Variants in ENTREP2 observed in about 807,000 individuals in gnomAD.
ENTREP2 encodes the protein protein ENTREP2.
the ENTREP2 span, among the ~76,000 whole-genome samples, chr15:29,150,032 G>A: frequency 6.6e-6 from 1 of 152,188 alleles, no homozygotes; most frequent in South Asian, 2.1e-4. Flanking sequence ...TCAGCCCACC[G>A]CGTCTGCAGA....
chr15:29,348,474 G>A, the ENTREP2 span, among the ~76,000 whole-genome samples: 64 of 152,302 alleles, frequency 4.2e-4, 1 homozygote, highest in Admixed American at 3.1e-3. Context: ...GGCTGGAGCT[G>A]AGCTGGAGAG....
chr15:29,535,555 T>C, the ENTREP2 span, among the ~76,000 whole-genome samples: 1 of 151,974 alleles, frequency 6.6e-6, no homozygotes. Flanking sequence ...CCAGGTATGG[T>C]GATAAGCACC....
chr15:29,607,800 A>ATAGATAGATAGATAGC, the ENTREP2 span, among the ~76,000 whole-genome samples: 8 of 130,414 alleles, frequency 6.1e-5, no homozygotes, highest in Non-Finnish European at 1.2e-4. Flanking sequence ...GAATAGAGGG[A>ATAGATAGATAGATAGC]TAGATAGATA....
At chr15:29,263,956 C>T in the ENTREP2 span, among the ~76,000 whole-genome samples, 3 of 152,048 alleles carry the variant, frequency 2.0e-5, no homozygotes, top group East Asian at 3.9e-4. Flanking sequence ...AGATTGAGAC[C>T]ATCCTGGCTA....
At chr15:29,640,359 A>G in the ENTREP2 span, among the ~76,000 whole-genome samples, 1 of 152,166 alleles carries the variant, frequency 6.6e-6, no homozygotes, top group Non-Finnish European at 1.5e-5. Flanking sequence ...TGAATTAGTA[A>G]TAAAAGAAAA....
the ENTREP2 span, among the ~76,000 whole-genome samples, chr15:29,410,442 G>A: frequency 6.6e-6 from 1 of 151,950 alleles, no homozygotes; most frequent in Non-Finnish European, 1.5e-5. Context: ...AGCAGCCCTG[G>A]GGCAACAGAG....
At chr15:29,202,620 A>T in the ENTREP2 span, among the ~76,000 whole-genome samples, 1 of 152,186 alleles carries the variant, frequency 6.6e-6, no homozygotes, top group South Asian at 2.1e-4. Context: ...ATTTGTCCTA[A>T]TGTTCTCCCT....
chr15:29,630,105 G>A, the ENTREP2 span, among the ~76,000 whole-genome samples: 1 of 152,110 alleles, frequency 6.6e-6, no homozygotes, highest in Non-Finnish European at 1.5e-5. Flanking sequence ...GACACAATGA[G>A]ACCCTGTCTC....
the ENTREP2 span, among the ~76,000 whole-genome samples, chr15:29,653,757 A>T: frequency 6.6e-6 from 1 of 152,220 alleles, no homozygotes; most frequent in Admixed American, 6.5e-5. Flanking sequence ...CAGCAGTGTG[A>T]AAATGGACTA....
At chr15:29,234,939 A>C in the ENTREP2 span, 2 of 1,537,468 alleles carry the variant, frequency 1.3e-6, no homozygotes, top group Non-Finnish European at 1.8e-6. Flanking sequence ...GAGCCAGATA[A>C]AATATATTCT....
chr15:29,349,677 T>C, the ENTREP2 span, among the ~76,000 whole-genome samples: 3 of 152,078 alleles, frequency 2.0e-5, no homozygotes, highest in Admixed American at 6.5e-5. Context: ...GCAGGTGGAT[T>C]ACCTGAGCTC....
At chr15:29,318,239 A>G in the ENTREP2 span, among the ~76,000 whole-genome samples, 1 of 152,176 alleles carries the variant, frequency 6.6e-6, no homozygotes, top group Non-Finnish European at 1.5e-5. Context: ...CATTTTTCTC[A>G]CAGCGTGTGC....
the ENTREP2 span, among the ~76,000 whole-genome samples, chr15:29,262,644 G>A: frequency 6.6e-6 from 1 of 152,230 alleles, no homozygotes; most frequent in Non-Finnish European, 1.5e-5. Flanking sequence ...CTTCATCTGT[G>A]TCTTTTGCAA....
the ENTREP2 span, among the ~76,000 whole-genome samples, chr15:29,554,767 G>C: frequency 0.44 from 67,347 of 151,590 alleles, 15,952 homozygotes; most frequent in African/African-American, 0.63. Context: ...ACCTACTGCT[G>C]TGGGGTTTTG....
the ENTREP2 span, among the ~76,000 whole-genome samples, chr15:29,287,400 A>AAG: frequency 1.2e-4 from 11 of 91,404 alleles, no homozygotes; most frequent in Non-Finnish European, 1.7e-4. Context: ...AAAAAAAAGA[A>AAG]AAAAAAAAAA....
At chr15:29,124,797 G>A in the ENTREP2 span, 2 of 1,522,008 alleles carry the variant, frequency 1.3e-6, no homozygotes, top group Non-Finnish European at 1.8e-6. Flanking sequence ...ACACATGAAA[G>A]GAAAAAGGAA....
chr15:29,123,154 G>A, the ENTREP2 span: 16 of 596,030 alleles, frequency 2.7e-5, no homozygotes, highest in South Asian at 8.0e-5. Context: ...GACACTGCTC[G>A]GCTCCCCTCG....
the ENTREP2 span, among the ~76,000 whole-genome samples, chr15:29,587,568 A>T: frequency 6.6e-6 from 1 of 152,224 alleles, no homozygotes; most frequent in South Asian, 2.1e-4. Flanking sequence ...AAAACAACTC[A>T]TTATCTTAAA....
the ENTREP2 span, among the ~76,000 whole-genome samples, chr15:29,309,425 G>A: frequency 2.0e-5 from 3 of 152,062 alleles, no homozygotes; most frequent in Admixed American, 6.5e-5. Context: ...CAGGTCTCCC[G>A]GGGTCCAAGT....
Sources: allele counts gnomAD v4.1 joint callset (sites outside exome capture counted in the v4.1 genomes callset), GRCh38; gene constraint gnomAD v4.1.1; transcripts MANE v1.5; gene names NCBI Gene and HGNC (gene_info 2026-07-23, HGNC 2026-07-21).